Variants in PTPRD observed in about 807,000 individuals in gnomAD.
PTPRD encodes receptor-type tyrosine-protein phosphatase delta.
PTPRD carries 34 observed loss-of-function variants against 214.5 expected under a neutral mutation model. The observed-to-expected ratio is 0.16, with a 90% CI of 0.12 to 0.21. The LOEUF (loss-of-function observed/expected upper bound fraction) is 0.21, where lower values mean the gene tolerates loss of function less well. Among genes scored for constraint, PTPRD ranks in the 10% least tolerant of loss-of-function variants. PTPRD has a pLI of 1.00. For missense variants in PTPRD, 2,545 were observed against 2,398.7 expected (o/e 1.06, Z -1.27); for synonymous variants, 1,128 against 845.7 (o/e 1.33, Z -5.79).
chr9:8,887,343 T>A (rs2098499906), intron 11 of PTPRD, among the ~76,000 whole-genome samples: 1 of 152,154 alleles, frequency 6.6e-6, no homozygotes, highest in South Asian at 2.1e-4. Flanking sequence ...AAAACCATCG[T>A]GGCAGTGAGA....
At chr9:10,047,667 T>C (rs941082200) in intron 3 of PTPRD, among the ~76,000 whole-genome samples, 1 of 152,142 alleles carries the variant, frequency 6.6e-6, no homozygotes, top group African/African-American at 2.4e-5. Flanking sequence ...TTTCATTTTT[T>C]CTTATGGTGC....
At chr9:9,308,154 G>A (rs1282732055) in intron 9 of PTPRD, among the ~76,000 whole-genome samples, 1 of 152,150 alleles carries the variant, frequency 6.6e-6, no homozygotes, top group African/African-American at 2.4e-5. Flanking sequence ...GATCTAATTT[G>A]TGTTAGGCTC....
chr9:10,220,639 G>C (rs2099567888), intron 3 of PTPRD, among the ~76,000 whole-genome samples: 2 of 151,886 alleles, frequency 1.3e-5, no homozygotes, highest in South Asian at 4.1e-4. Flanking sequence ...ACCTGCCTAA[G>C]AGACATAAAA....
intron 12 of PTPRD, among the ~76,000 whole-genome samples, chr9:8,724,799 G>A (rs1234501704): frequency 1.3e-5 from 2 of 151,944 alleles, no homozygotes; most frequent in Non-Finnish European, 2.9e-5. Flanking sequence ...TTAGCCGGAC[G>A]TGACGGCACG....
intron 7 of PTPRD, among the ~76,000 whole-genome samples, chr9:9,702,155 G>A (rs1162537881): frequency 6.6e-6 from 1 of 151,840 alleles, no homozygotes; most frequent in South Asian, 2.1e-4. Context: ...AGAAAGAGAG[G>A]AAACTAAAGT....
chr9:9,564,069 T>C (rs1036784948), intron 8 of PTPRD, among the ~76,000 whole-genome samples: 1 of 152,118 alleles, frequency 6.6e-6, no homozygotes, highest in Non-Finnish European at 1.5e-5. Context: ...CTACCAGTGC[T>C]TGTGGATCAT....
chr9:10,508,984 A>G (rs967646530), intron 2 of PTPRD, among the ~76,000 whole-genome samples: 9 of 152,082 alleles, frequency 5.9e-5, no homozygotes, highest in African/African-American at 2.2e-4. Flanking sequence ...TTGGAGGCAT[A>G]TAATGTCGAT....
chr9:8,485,137 G>C, intron 29 of PTPRD, 90 bp downstream of exon 29: 3 of 1,068,044 alleles, frequency 2.8e-6, no homozygotes, highest in Non-Finnish European at 4.2e-6. Flanking sequence ...CCAAAACAAA[G>C]TGGTCTGCTT....
At chr9:9,347,308 G>C (rs1181065433) in intron 9 of PTPRD, among the ~76,000 whole-genome samples, 1 of 149,598 alleles carries the variant, frequency 6.7e-6, no homozygotes, top group Non-Finnish European at 1.5e-5. Context: ...CTCTCTCTAT[G>C]TGTATATATA....
intron 3 of PTPRD, among the ~76,000 whole-genome samples, chr9:10,187,744 C>G (rs1030515546): frequency 3.9e-5 from 6 of 152,210 alleles, no homozygotes; most frequent in African/African-American, 1.4e-4. Flanking sequence ...ATGGGTTATT[C>G]TGCCACATCT....
At chr9:10,483,585 A>G (rs1372270719) in intron 2 of PTPRD, among the ~76,000 whole-genome samples, 1 of 152,146 alleles carries the variant, frequency 6.6e-6, no homozygotes, top group African/African-American at 2.4e-5. Flanking sequence ...GCAAAAATCA[A>G]ATAACCCCAT....
chr9:9,878,108 G>T (rs1447515563), intron 5 of PTPRD, among the ~76,000 whole-genome samples: 1 of 151,712 alleles, frequency 6.6e-6, no homozygotes, highest in African/African-American at 2.4e-5. Flanking sequence ...AGAGATTAAA[G>T]AATTCAACCT....
At chr9:9,823,341 G>A (rs895411494) in intron 5 of PTPRD, among the ~76,000 whole-genome samples, 2 of 151,968 alleles carry the variant, frequency 1.3e-5, no homozygotes, top group Non-Finnish European at 2.9e-5. Context: ...AAGAGTGAGG[G>A]CGGAGATGAC....
At chr9:8,841,081 T>C (rs1353618865) in intron 11 of PTPRD, among the ~76,000 whole-genome samples, 1 of 152,206 alleles carries the variant, frequency 6.6e-6, no homozygotes, top group Non-Finnish European at 1.5e-5. Context: ...TATTAAATCT[T>C]TCTGGGGTAA....
intron 4 of PTPRD, among the ~76,000 whole-genome samples, chr9:9,998,843 C>T (rs2096240105): frequency 6.6e-6 from 1 of 152,186 alleles, no homozygotes; most frequent in Admixed American, 6.5e-5. Flanking sequence ...TTTCCTGATT[C>T]TCCATGCTCA....
intron 10 of PTPRD, among the ~76,000 whole-genome samples, chr9:9,051,612 T>C (rs2099685686): frequency 6.6e-6 from 1 of 152,180 alleles, no homozygotes; most frequent in African/African-American, 2.4e-5. Flanking sequence ...TTTAAATTCA[T>C]ATGCCTAAGC....
chr9:10,316,707 T>C (rs1002567576), intron 3 of PTPRD, among the ~76,000 whole-genome samples: 1 of 151,924 alleles, frequency 6.6e-6, no homozygotes, highest in Non-Finnish European at 1.5e-5. Flanking sequence ...TTTCCACATA[T>C]AGTACTAACA....
chr9:9,314,560 T>G (rs1189690567), intron 9 of PTPRD, among the ~76,000 whole-genome samples: 1 of 152,108 alleles, frequency 6.6e-6, no homozygotes, highest in Non-Finnish European at 1.5e-5. Context: ...CAGCTTAACA[T>G]GTGATAAATG....
In PTPRD at chr9:10,264,141, C is replaced by T. The variant is rs117132289; in HGVS notation, c.-545+76822G>A. On this transcript the variant is annotated intron_variant, in intron 3 of 45. Transcript: ENST00000381196. ...CAGAAGTTTGCTTCAGGAGTGGAGT[C>T]CTCATGGAGAACCTCTGCTAGGACA... Among the ~76,000 whole-genome samples the T allele has an allele frequency of 3.3e-3, 495 of 152,274 alleles. 6 individuals are homozygous for T. The highest frequency in any genetic ancestry group is 0.031 in the East Asian group (161 of 5,156).
Sources: allele counts gnomAD v4.1 joint callset (sites outside exome capture counted in the v4.1 genomes callset), GRCh38; gene constraint gnomAD v4.1.1; transcripts MANE v1.5; gene names NCBI Gene and HGNC (gene_info 2026-07-23, HGNC 2026-07-21).